FTO: variants seen among roughly 807,000 people sequenced by gnomAD.
The protein encoded by FTO is alpha-ketoglutarate-dependent dioxygenase FTO.
In FTO, 47 loss-of-function variants were observed where a neutral mutation model predicts 63.9. The ratio of observed to expected loss-of-function variants is 0.74; its 90% confidence interval spans 0.58 to 0.94. The LOEUF (loss-of-function observed/expected upper bound fraction) is 0.94. Among genes scored for constraint, FTO ranks in the 40% least tolerant of loss-of-function variants. The pLI, the probability that FTO is intolerant of heterozygous loss-of-function variation, is 0.00. For missense variants in FTO, 562 were observed against 618.1 expected (o/e 0.91, Z 0.96); for synonymous variants, 207 against 224.4 (o/e 0.92, Z 0.69).
chr16:54,072,059 G>A (rs2540766), intron 8 of FTO: 15,098 of 152,132 alleles, frequency 0.099, 1,246 homozygotes, highest in African/African-American at 0.22. Context: ...CCATGTGGCC[G>A]TGCGATTGAC....
chr16:54,041,992 G>C (rs2085088345), intron 8 of FTO, among the ~76,000 whole-genome samples: 1 of 152,184 alleles, frequency 6.6e-6, no homozygotes, highest in Non-Finnish European at 1.5e-5. Flanking sequence ...GCTTTCTTGT[G>C]ACCTTCGGTT....
chr16:53,836,698 C>T (rs1007574175), intron 3 of FTO, among the ~76,000 whole-genome samples: 6 of 152,202 alleles, frequency 3.9e-5, no homozygotes, highest in East Asian at 3.8e-4. Flanking sequence ...TAAGAACTGG[C>T]GTCTCACTGG....
intron 1 of FTO, among the ~76,000 whole-genome samples, chr16:53,760,703 T>C (rs1266349175): frequency 7.0e-6 from 1 of 143,426 alleles, no homozygotes; most frequent in African/African-American, 2.5e-5. Context: ...CTCAGCTCAC[T>C]GCAACCTCCG....
chr16:53,971,316 T>C (rs2083312458), intron 8 of FTO, among the ~76,000 whole-genome samples: 1 of 152,206 alleles, frequency 6.6e-6, no homozygotes, highest in African/African-American at 2.4e-5. Flanking sequence ...TCAAAAGATA[T>C]GAACGTTTTT....
chr16:53,937,800 G>A (rs1483306702), intron 8 of FTO: 1 of 152,216 alleles, frequency 6.6e-6, no homozygotes, highest in Non-Finnish European at 1.5e-5. Flanking sequence ...GACAGTGGAA[G>A]AAATTATCAT....
chr16:53,767,812 G>A (rs2077247111), intron 1 of FTO, among the ~76,000 whole-genome samples: 1 of 152,142 alleles, frequency 6.6e-6, no homozygotes, highest in Non-Finnish European at 1.5e-5. Flanking sequence ...CCGGCCTGAA[G>A]TATAGAAAGA....
At chr16:53,934,757 A>G (rs900253695) in intron 8 of FTO, among the ~76,000 whole-genome samples, 8 of 152,198 alleles carry the variant, frequency 5.3e-5, no homozygotes, top group Admixed American at 2.0e-4. Flanking sequence ...TAGAAAAGGT[A>G]CTATAAAAAT....
chr16:53,826,432 A>G lies in FTO; in HGVS notation c.692A>G (p.His231Arg), dbSNP rs771907956. The change falls in exon 3 of 9, where the codon CAT becomes CGT. Residue 231 changes from histidine to arginine, a missense_variant. Transcript: ENST00000471389. ...ATGGGGAAAATGGCAGTGAGCTGGC[A>G]TCATGATGAAAATCTGGTGGACAGG... The part of the protein sequence containing the change: ...FGMGKMAVSW[H>R]HDENLVDRSA... 1 of 1,614,192 alleles carries G rather than the reference A, an allele frequency of 6.2e-7. No individual in the cohort carries two copies. Among genetic ancestry groups the G allele is most frequent in the Non-Finnish European group, 8.5e-7 (1 of 1,180,026 alleles).
chr16:54,115,873 A>G lies in FTO; in HGVS notation c.*3958A>G, dbSNP rs908557216. ...CTTAATCCAAAGGAGCGGCTTTCCA[A>G]CTGGGAATGTCCCCCTGGCTGGGTG... On this transcript the variant is annotated 3_prime_UTR_variant, in exon 9 of 9. Transcript: ENST00000471389. 2 of 152,248 alleles carry G rather than the reference A, an allele frequency of 1.3e-5. No homozygotes were observed. The highest frequency in any genetic ancestry group is 2.1e-4 in the South Asian group (1 of 4,826). The allele number at this position is 152,248 out of a possible 1,614,324, so 9.4% of individuals were successfully genotyped here. A position where few individuals can be genotyped will look rare whatever the true frequency, so the allele number is the denominator to read the frequency against.
At chr16:53,943,670 T>C (rs751052049) in intron 8 of FTO, among the ~76,000 whole-genome samples, 5 of 152,248 alleles carry the variant, frequency 3.3e-5, no homozygotes, top group Non-Finnish European at 1.5e-5. Context: ...ATATAGTTGC[T>C]ATGCCCTGTA....
intron 8 of FTO, among the ~76,000 whole-genome samples, chr16:53,941,973 G>A (rs1313413595): frequency 6.6e-6 from 1 of 152,216 alleles, no homozygotes; most frequent in Non-Finnish European, 1.5e-5. Flanking sequence ...CTAGAAGAAT[G>A]CCTGACACTC....
At chr16:54,041,320 C>T (rs985910577) in intron 8 of FTO, among the ~76,000 whole-genome samples, 1 of 152,108 alleles carries the variant, frequency 6.6e-6, no homozygotes, top group Admixed American at 6.5e-5. Context: ...CGTGAGAACT[C>T]CCTCATTATC....
intron 8 of FTO, among the ~76,000 whole-genome samples, chr16:54,000,720 G>A (rs896450025): frequency 2.0e-5 from 3 of 152,104 alleles, no homozygotes; most frequent in Non-Finnish European, 4.4e-5. Context: ...CATGTCCATC[G>A]GTATGTCTCA....
chr16:54,089,600 G>A (rs11863548), intron 8 of FTO, among the ~76,000 whole-genome samples: 41,068 of 151,972 alleles, frequency 0.27, 5,900 homozygotes, highest in Middle Eastern at 0.4. Flanking sequence ...AAAAAATAGC[G>A]TATAGAATGG....
chr16:53,933,357 C>T (rs895729488), intron 7 of FTO, among the ~76,000 whole-genome samples: 7 of 152,148 alleles, frequency 4.6e-5, no homozygotes, highest in Non-Finnish European at 1.0e-4. Flanking sequence ...TATAAAACAA[C>T]ATCTATAAAA....
chr16:53,964,964 A>G (rs983147339), intron 8 of FTO, among the ~76,000 whole-genome samples: 20 of 152,220 alleles, frequency 1.3e-4, no homozygotes, highest in African/African-American at 4.8e-4. Flanking sequence ...TAAGCATTTT[A>G]TAAGAGGAAA....
At chr16:53,983,808 C>T (rs2143835062) in intron 8 of FTO, among the ~76,000 whole-genome samples, 1 of 152,218 alleles carries the variant, frequency 6.6e-6, no homozygotes, top group African/African-American at 2.4e-5. Flanking sequence ...AATATGGGCC[C>T]ACTGTTGTGT....
At chr16:53,989,825 C>T (rs1599154712) in intron 8 of FTO, among the ~76,000 whole-genome samples, 1 of 151,880 alleles carries the variant, frequency 6.6e-6, no homozygotes, top group Non-Finnish European at 1.5e-5. Context: ...AAGACCCACC[C>T]CTCCACTCCC....
Position 54,121,076 on chromosome 16 carries a change from C to A in FTO, c.*9161C>A, listed in dbSNP as rs960923903. ...CTTATAAAGTTTTATTGGAACGCAG[C>A]CATGCTCATCGGTTTATGTATTATC... On this transcript the variant is annotated 3_prime_UTR_variant, in exon 9 of 9. Coordinates refer to ENST00000471389, the MANE Select transcript of FTO (RefSeq NM_001080432.3). 1 of 152,388 alleles carries A rather than the reference C, an allele frequency of 6.6e-6. No homozygotes were observed. The highest frequency in any genetic ancestry group is 2.4e-5 in the African/African-American group (1 of 41,428). The allele number at this position is 152,388 out of a possible 1,614,324, so 9.4% of individuals were successfully genotyped here. A position where few individuals can be genotyped will look rare whatever the true frequency, so the allele number is the denominator to read the frequency against.
Sources: gnomAD v4.1 joint callset for allele counts (sites outside exome capture counted in the v4.1 genomes callset) on GRCh38, gnomAD v4.1.1 for gene constraint, MANE v1.5 for transcripts, NCBI Gene and HGNC (gene_info 2026-07-23, HGNC 2026-07-21) for gene names.